The following PRKCH variants were observed in gnomAD, a reference collection of about 807,000 sequenced individuals.
PRKCH encodes protein kinase C eta type.
Under a neutral mutation model 82.5 loss-of-function variants are expected in PRKCH, and 28 were observed. That is an observed-to-expected ratio of 0.34 (90% CI 0.25 to 0.47). The LOEUF is 0.47. Ranked by LOEUF, PRKCH falls within the 20% of genes least tolerant of loss-of-function variation. The probability of loss-of-function intolerance (pLI) is 1.00; values close to 1 mark genes in which losing one functional copy is unlikely to be tolerated. For missense variants in PRKCH, 705 were observed against 881.8 expected (o/e 0.80, Z 2.54); for synonymous variants, 322 against 327.4 (o/e 0.98, Z 0.18).
chr14:61,223,948 G>T (rs2044675146), intron 1 of PRKCH, among the ~76,000 whole-genome samples: 1 of 152,154 alleles, frequency 6.6e-6, no homozygotes. Context: ...TGCCTAATAA[G>T]TCTCCTCTTT....
At chr14:61,435,451 G>A (rs1566880639) in intron 2 of PRKCH, among the ~76,000 whole-genome samples, 1 of 152,048 alleles carries the variant, frequency 6.6e-6, no homozygotes, top group Non-Finnish European at 1.5e-5. Flanking sequence ...AGGAGGCCGA[G>A]AAGAGGGTTC....
intron 1 of PRKCH, among the ~76,000 whole-genome samples, chr14:61,296,199 TG>T (rs762791019): frequency 7.9e-5 from 12 of 152,206 alleles, no homozygotes; most frequent in Non-Finnish European, 1.8e-4. Context: ...GCAATTCTTA[TG>T]GGGGAGTTAC....
At chr14:61,224,458 G>C (rs1176188241) in intron 1 of PRKCH, among the ~76,000 whole-genome samples, 1 of 152,144 alleles carries the variant, frequency 6.6e-6, no homozygotes, top group Non-Finnish European at 1.5e-5. Context: ...ATCATGCATT[G>C]GTTGTCTTGT....
At chr14:61,277,742 A>G (rs1362681021) in intron 1 of PRKCH, 1 of 152,238 alleles carries the variant, frequency 6.6e-6, no homozygotes, top group African/African-American at 2.4e-5. Flanking sequence ...GTTTATATAC[A>G]TGTTGAGGTT....
chr14:61,474,985 C>T (rs576204100), intron 9 of PRKCH, among the ~76,000 whole-genome samples: 1 of 152,336 alleles, frequency 6.6e-6, no homozygotes, highest in African/African-American at 2.4e-5. Flanking sequence ...CTCTACTTCT[C>T]TAACTGGGCA....
intron 1 of PRKCH, among the ~76,000 whole-genome samples, chr14:61,376,266 C>T (rs2046427470): frequency 1.3e-5 from 2 of 152,142 alleles, no homozygotes. Context: ...TCTGCTTTCT[C>T]TCATTCTCTA....
At chr14:61,245,305 A>C (rs1047308718) in intron 1 of PRKCH, among the ~76,000 whole-genome samples, 1 of 152,216 alleles carries the variant, frequency 6.6e-6, no homozygotes, top group Non-Finnish European at 1.5e-5. Context: ...ATAGGTCGGA[A>C]AGAGGTCTTC....
At chr14:61,245,467 T>C (rs2044871041) in intron 1 of PRKCH, among the ~76,000 whole-genome samples, 1 of 152,174 alleles carries the variant, frequency 6.6e-6, no homozygotes, top group Non-Finnish European at 1.5e-5. Flanking sequence ...AAGAGTTAAG[T>C]GCAGGGAATT....
intron 1 of PRKCH, among the ~76,000 whole-genome samples, chr14:61,204,003 A>G (rs1342705610): frequency 6.6e-6 from 1 of 152,192 alleles, no homozygotes; most frequent in Non-Finnish European, 1.5e-5. Flanking sequence ...ATTATGATGC[A>G]TAGAAAAGTT....
At chr14:61,418,172 G>A (rs1215059636) in intron 2 of PRKCH, among the ~76,000 whole-genome samples, 1 of 152,234 alleles carries the variant, frequency 6.6e-6, no homozygotes, top group Non-Finnish European at 1.5e-5. Context: ...TACGATGTAA[G>A]TGTACTTGTC....
chr14:61,326,388 T>C (rs2045697058), intron 1 of PRKCH, among the ~76,000 whole-genome samples: 1 of 152,190 alleles, frequency 6.6e-6, no homozygotes. Flanking sequence ...AAGGAGTCTA[T>C]AGTGACAGGA....
intron 1 of PRKCH, among the ~76,000 whole-genome samples, chr14:61,307,661 G>T (rs145521646): frequency 2.4e-4 from 37 of 152,078 alleles, no homozygotes; most frequent in African/African-American, 8.2e-4. Context: ...TCCTGTGTTC[G>T]TCTGGCCCAT....
At chr14:61,458,615 C>CGG (rs1018422951) in intron 9 of PRKCH, among the ~76,000 whole-genome samples, 3 of 152,100 alleles carry the variant, frequency 2.0e-5, no homozygotes, top group African/African-American at 7.2e-5. Context: ...CTACCTGAGA[C>CGG]GGGGTAATTT....
chr14:61,275,389 T>C (rs539539640), intron 1 of PRKCH, among the ~76,000 whole-genome samples: 1 of 152,330 alleles, frequency 6.6e-6, no homozygotes, highest in Non-Finnish European at 1.5e-5. Flanking sequence ...AAAGCCCTTT[T>C]AGAAGAACAA....
chr14:61,496,895 C>T (rs982719840), intron 10 of PRKCH, among the ~76,000 whole-genome samples: 2 of 151,682 alleles, frequency 1.3e-5, no homozygotes, highest in Non-Finnish European at 2.9e-5. Flanking sequence ...CTCCTCATGA[C>T]AGCGCTATGA....
At chr14:61,321,193 T>C (rs1285767880), upstream of PRKCH, among the ~76,000 whole-genome samples, 3 of 152,202 alleles carry the variant, frequency 2.0e-5, no homozygotes, top group African/African-American at 4.8e-5. This position sits in a 1 kb window ranked among gnomAD's most constrained non-coding sequence, Gnocchi z 4.1. Context: ...CCAGGGCCTC[T>C]TGGGGATGGC....
At chr14:61,314,686 C>T (rs2045548391) in intron 1 of PRKCH, among the ~76,000 whole-genome samples, 1 of 152,182 alleles carries the variant, frequency 6.6e-6, no homozygotes, top group Non-Finnish European at 1.5e-5. Flanking sequence ...TTTGGGGAAA[C>T]CTGAGGAAGG....
chr14:61,317,889 G>T (rs1391064254), upstream of PRKCH, among the ~76,000 whole-genome samples: 1 of 151,952 alleles, frequency 6.6e-6, no homozygotes, highest in Non-Finnish European at 1.5e-5. Flanking sequence ...TATACCAATG[G>T]CTCCCAAATT....
chr14:61,344,778 C>G (rs957229390), intron 1 of PRKCH, among the ~76,000 whole-genome samples: 2 of 152,076 alleles, frequency 1.3e-5, no homozygotes, highest in Non-Finnish European at 2.9e-5. Flanking sequence ...AAGTTCCTCC[C>G]GCCTGCCTAT....
Sources: allele counts gnomAD v4.1 joint callset (sites outside exome capture counted in the v4.1 genomes callset), GRCh38; gene constraint gnomAD v4.1.1; non-coding constraint Gnocchi (gnomAD v3.1); transcripts MANE v1.5; gene names NCBI Gene and HGNC (gene_info 2026-07-23, HGNC 2026-07-21).